The following OPRM1 variants were observed in gnomAD, a reference collection of about 807,000 sequenced individuals.
OPRM1 encodes the protein mu-type opioid receptor.
Under a neutral mutation model 31.8 loss-of-function variants are expected in OPRM1, and 27 were observed. That is an observed-to-expected ratio of 0.85 (90% CI 0.63 to 1.17). The LOEUF (loss-of-function observed/expected upper bound fraction) is 1.17. Among genes scored for constraint, OPRM1 ranks in the 50% most tolerant of loss-of-function variants. The pLI is 0.00. For synonymous variants in OPRM1, 196 were observed against 189.9 expected, an observed-to-expected ratio of 1.03 and a Z score of -0.26; for missense variants, 536 against 511.1, an observed-to-expected ratio of 1.05 and a Z score of -0.47.
At chr6:154,232,849 T>C (rs937986896) in intron 3 of OPRM1, among the ~76,000 whole-genome samples, 9 of 151,734 alleles carry the variant, frequency 5.9e-5, no homozygotes, top group African/African-American at 2.2e-4. Context: ...TTGTTAAAGC[T>C]ATAAAGAAAT....
At chr6:154,025,512 AC>A (rs1778643156) in intron 1 of OPRM1, among the ~76,000 whole-genome samples, 1 of 152,004 alleles carries the variant, frequency 6.6e-6, no homozygotes, top group Non-Finnish European at 1.5e-5. Flanking sequence ...AGAGTTTAGT[AC>A]ATTTACATTG....
At chr6:154,117,248 TTGTC>T (rs1401691826) in intron 3 of OPRM1, among the ~76,000 whole-genome samples, 1 of 152,212 alleles carries the variant, frequency 6.6e-6, no homozygotes, top group Non-Finnish European at 1.5e-5. Context: ...CAAAAAGTTG[TTGTC>T]TGTCTTGGCA....
At chr6:154,171,797 A>T (rs1447488513) in intron 3 of OPRM1, among the ~76,000 whole-genome samples, 5 of 152,224 alleles carry the variant, frequency 3.3e-5, no homozygotes, top group Non-Finnish European at 5.9e-5. Flanking sequence ...GGGGGGCATT[A>T]GGATTGAAGA....
chr6:154,091,598 T>C, intron 3 of OPRM1, 126 bp downstream of exon 3: 2 of 1,440,932 alleles, frequency 1.4e-6, no homozygotes, highest in Non-Finnish European at 1.8e-6. Context: ...AAGCAAATTG[T>C]GGTTCTAGTG....
At position 154,123,315 on chromosome 6, in the gene OPRM1, CTT is replaced by C. The variant is rs749582088; in HGVS notation, c.*4598_*4599del. Among the ~76,000 whole-genome samples the C allele has an allele frequency of 1.1e-4, 16 of 152,074 alleles. No homozygotes were observed. The highest frequency in any genetic ancestry group is 2.4e-4 in the Non-Finnish European group (16 of 68,018). On this transcript the variant is annotated 3_prime_UTR_variant, in exon 4 of 4. Coordinates refer to ENST00000330432, the MANE Select transcript of OPRM1 (RefSeq NM_000914.5). Reference sequence around the variant, plus strand: ...CCACGGAGCAGAAAAAAGGAGGAAACTTTTTCCTGGGAGCCCACTAATCACAC... The same window carrying C: ...CCACGGAGCAGAAAAAAGGAGGAAACTTTCCTGGGAGCCCACTAATCACAC...
At chr6:154,140,577 G>T (rs867354551) in intron 3 of OPRM1, among the ~76,000 whole-genome samples, 1 of 152,060 alleles carries the variant, frequency 6.6e-6, no homozygotes, top group Admixed American at 6.5e-5. Context: ...TGATCCGCCC[G>T]CCTCAACCTC....
Position 154,127,106 on chromosome 6 carries a change from C to A in OPRM1, c.*8385C>A, listed in dbSNP as rs1375136684. The stretch of plus-strand genomic sequence containing the variant: ...CCTGGGCAACAGAATGAGATTGTCT[C>A]AAAAAAAAAAAAAAGTGCCACATGC... On this transcript the variant is annotated 3_prime_UTR_variant, in exon 4 of 4. Coordinates refer to ENST00000330432, the MANE Select transcript of OPRM1 (RefSeq NM_000914.5). Among the ~76,000 whole-genome samples the A allele has an allele frequency of 4.6e-4, 66 of 144,970 alleles. No homozygotes were observed. Among genetic ancestry groups the A allele is most frequent in the Middle Eastern group, 3.5e-3 (1 of 284 alleles).
chr6:154,182,972 C>T (rs1372817025), intron 3 of OPRM1, among the ~76,000 whole-genome samples: 1 of 148,922 alleles, frequency 6.7e-6, no homozygotes, highest in East Asian at 1.9e-4. Flanking sequence ...AATAAATGCC[C>T]TTATCTTTTT....
chr6:154,095,413 C>T (rs1039172316), intron 3 of OPRM1, among the ~76,000 whole-genome samples: 2 of 152,110 alleles, frequency 1.3e-5, no homozygotes, highest in African/African-American at 2.4e-5. Flanking sequence ...CAGGCATGAC[C>T]CCTTCATCAT....
chr6:154,041,949 T>C (rs1252302788), intron 1 of OPRM1, among the ~76,000 whole-genome samples: 2 of 152,216 alleles, frequency 1.3e-5, no homozygotes, highest in Admixed American at 1.3e-4. Context: ...AGATTGGTCT[T>C]ATTCCAGTGT....
rs1397870267 is a variant in OPRM1 at position 154,168,041 on chromosome 6, G to A, written c.1164+76569G>A. On this transcript the variant is annotated intron_variant, in intron 3 of 3. Transcript: ENST00000337049. This position sits in a 1 kb window ranked among gnomAD's most constrained non-coding sequence, Gnocchi z 4.1. ...AGTCGAAGGTCGTCGGTCCCCAAGA[G>A]GAGATAGACTAGCTTGCTCTAATGA... 2 of 1,610,248 alleles carry A rather than the reference G, an allele frequency of 1.2e-6. No individual in the cohort carries two copies. The highest frequency in any genetic ancestry group is 1.7e-6 in the Non-Finnish European group (2 of 1,177,264).
chr6:154,132,848 G>A (rs940757930), downstream of OPRM1, among the ~76,000 whole-genome samples: 7 of 152,174 alleles, frequency 4.6e-5, no homozygotes, highest in Admixed American at 2.0e-4. Context: ...ACGGCTGGGC[G>A]TGGTGGCTCA....
At chr6:154,140,332 AT>A (rs11313350) in intron 3 of OPRM1, among the ~76,000 whole-genome samples, 21,771 of 129,896 alleles carry the variant, frequency 0.17, 1,963 homozygotes, top group South Asian at 0.42. Flanking sequence ...ATGTTATTTT[AT>A]TTTTTTTTTT....
At chr6:154,165,482 C>T (rs987165729) in intron 3 of OPRM1, among the ~76,000 whole-genome samples, 4 of 152,222 alleles carry the variant, frequency 2.6e-5, no homozygotes, top group African/African-American at 9.6e-5. Context: ...ATTTCCACAT[C>T]AGCATGTCCT....
intron 3 of OPRM1, among the ~76,000 whole-genome samples, chr6:154,110,860 C>A (rs1486121856): frequency 7.9e-6 from 1 of 126,420 alleles, no homozygotes; most frequent in African/African-American, 3.0e-5. Context: ...GCACTCCAGC[C>A]TGGGCGACAA....
At chr6:154,177,450 C>A (rs1373134487) in intron 3 of OPRM1, among the ~76,000 whole-genome samples, 4 of 152,048 alleles carry the variant, frequency 2.6e-5, no homozygotes, top group African/African-American at 9.7e-5. Context: ...AAGAAAAAAA[C>A]AAACAACCCC....
At chr6:154,207,075 T>C (rs1777558506) in intron 3 of OPRM1, among the ~76,000 whole-genome samples, 1 of 152,086 alleles carries the variant, frequency 6.6e-6, no homozygotes, top group African/African-American at 2.4e-5. Flanking sequence ...AGAGAGGGAC[T>C]AGAGACAGGG....
Position 154,039,948 on chromosome 6 carries a change from A to C in OPRM1, c.290+114A>C, listed in dbSNP as rs1410631356. 10 of 893,692 alleles carry C rather than the reference A, an allele frequency of 1.1e-5. No homozygotes were observed. The East Asian group carries it at 2.1e-4, about 19-fold the overall frequency. The allele number at this position is 893,692 out of a possible 1,614,324, so 55.4% of individuals were successfully genotyped here. On this transcript the variant is annotated intron_variant, in intron 1 of 3. Transcript: ENST00000330432. ...CGGGAGGATGAAAGAGGGGAGGTAA[A>C]CTGGGGGGACTCTGGAGGAGACCAC...
At chr6:154,216,380 G>A (rs1778393700) in intron 3 of OPRM1, among the ~76,000 whole-genome samples, 1 of 152,004 alleles carries the variant, frequency 6.6e-6, no homozygotes, top group Non-Finnish European at 1.5e-5. Flanking sequence ...CTGTAATTGT[G>A]CCTTTGAAAT....
Sources: allele counts gnomAD v4.1 joint callset (sites outside exome capture counted in the v4.1 genomes callset), GRCh38; gene constraint gnomAD v4.1.1; non-coding constraint Gnocchi (gnomAD v3.1); transcripts MANE v1.5; gene names NCBI Gene and HGNC (gene_info 2026-07-23, HGNC 2026-07-21).